Variants in METRN observed in about 807,000 individuals in gnomAD.
METRN encodes the protein meteorin.
METRN carries 17 observed loss-of-function variants against 17.4 expected under a neutral mutation model. That is an observed-to-expected ratio of 0.98 (90% CI 0.67 to 1.46). The LOEUF is 1.46. Among genes scored for constraint, METRN ranks in the 40% most tolerant of loss-of-function variants. The pLI is 0.00. For missense variants in METRN, 489 were observed against 456.2 expected, an observed-to-expected ratio of 1.07 and a Z score of -0.65; for synonymous variants, 230 against 210.8, an observed-to-expected ratio of 1.09 and a Z score of -0.79.
chr16:716,352 C>G (rs2040161863), intron 2 of METRN: 1 of 1,409,358 alleles, frequency 7.1e-7, no homozygotes, highest in Non-Finnish European at 9.2e-7. Flanking sequence ...CCTCCCCCAG[C>G]CCAACCAACA....
At chr16:717,035 C>T (rs1333201051) in intron 3 of METRN, 36 bp from the exon 4 acceptor site, 2 of 1,611,854 alleles carry the variant, frequency 1.2e-6, no homozygotes, top group Non-Finnish European at 8.5e-7. Context: ...CCTGCCTTCC[C>T]CTGAATGCCT....
chr16:715,547 G>T, intron 1 of METRN, 37 bp from the exon 2 acceptor site: 16 of 1,293,126 alleles, frequency 1.2e-5, no homozygotes, highest in Non-Finnish European at 1.6e-5. Context: ...GCGGGGACCC[G>T]CCCCCGTCTC....
Position 717,302 on chromosome 16 carries a change from G to A in METRN, c.797G>A (p.Cys266Tyr). 3 of 1,524,880 alleles carry A rather than the reference G, an allele frequency of 2.0e-6. No individual in the cohort carries two copies. Among genetic ancestry groups the A allele is most frequent in the Non-Finnish European group, 1.8e-6 (2 of 1,137,972 alleles). 94.5% of individuals were successfully genotyped at this position (1,524,880 alleles called of 1,614,324 possible). Residue 266 changes from cysteine to tyrosine, a missense_variant, in exon 4 of 4, where the codon TGT becomes TAT. Transcript: ENST00000568223. ...WSRFGEARLG[C>Y]APRFQEFRRA... ...CGCTTTGGGGAGGCCCGGCTGGGCT[G>A]TGCCCCACGATTCCAGGAGTTCCGC...
In METRN at chr16:717,538, T is replaced by A; in HGVS notation, c.*151T>A. 1 of 647,404 alleles carries A rather than the reference T, an allele frequency of 1.5e-6. No individual in the cohort carries two copies. The highest frequency in any genetic ancestry group is 2.3e-6 in the Non-Finnish European group (1 of 438,462). 40.1% of individuals were successfully genotyped at this position (647,404 alleles called of 1,614,324 possible). A position where few individuals can be genotyped will look rare whatever the true frequency, so the allele number is the denominator to read the frequency against. On this transcript the variant is annotated 3_prime_UTR_variant, in exon 4 of 4. Transcript: ENST00000568223. ...CAGCCTTGGGCCTGCCTCGCAGCTG[T>A]GAGGATGGCTCCAATTCCTGCCTCC...
At chr16:716,825 C>T in intron 2 of METRN, 108 bp from the exon 3 acceptor site, 1 of 1,499,256 alleles carries the variant, frequency 6.7e-7, no homozygotes. Flanking sequence ...AGCGTGGGCT[C>T]TGCTCATTTG....
chr16:715,532 G>C (rs2040152627), intron 1 of METRN, 52 bp from the exon 2 acceptor site: 2 of 1,286,140 alleles, frequency 1.6e-6, no homozygotes, highest in South Asian at 2.3e-5. Flanking sequence ...CGGGGGCTGC[G>C]CCGGGCGGGG....
chr16:716,666 C>T (rs902485532), intron 2 of METRN: 16 of 1,535,442 alleles, frequency 1.0e-5, no homozygotes, highest in Non-Finnish European at 1.3e-5. Flanking sequence ...GACAGCTGAT[C>T]GCTAGGCATG....
At chr16:715,513 G>A (rs2040152469) in intron 1 of METRN, 71 bp from the exon 2 acceptor site, 1 of 1,275,118 alleles carries the variant, frequency 7.8e-7, no homozygotes, top group South Asian at 2.4e-5. Flanking sequence ...AGGCGGCCTC[G>A]GGAGGGAGCG....
chr16:717,643 G>A lies in METRN; in HGVS notation c.*256G>A. ...CTGAGAGGGAGAGCAGATGTCAGGA[G>A]GAGCTACACCCACATTCCGGGGAGG... On this transcript the variant is annotated 3_prime_UTR_variant, in exon 4 of 4. Transcript: ENST00000568223. 1 of 407,784 alleles carries A rather than the reference G, an allele frequency of 2.5e-6. No homozygotes were observed. 25.3% of individuals were successfully genotyped at this position (407,784 alleles called of 1,614,324 possible).
rs201553505 is a variant in METRN, at chr16:717,179, C to A, written c.674C>A (p.Ala225Glu). 8.1e-6 allele frequency: 13 copies of A among 1,601,732 alleles called. No individual in the cohort carries two copies. Among genetic ancestry groups the A allele is most frequent in the Non-Finnish European group, 1.1e-5 (13 of 1,175,782 alleles). The change falls in exon 4 of 4, where the codon GCG (alanine) becomes GAG (glutamate). Residue 225 changes from alanine (A) to glutamate (E), a missense_variant. Ala to Glu is a moderately radical substitution (Grantham distance 107). Transcript: ENST00000568223. ...CGCCAGACACCGCCGCTGTTCCAGGCGGGGCGATCCGGGGACCAGGGGCTG... is the reference window on the plus strand; with the variant it reads ...CGCCAGACACCGCCGCTGTTCCAGGAGGGGCGATCCGGGGACCAGGGGCTG... ...VLRQTPPLFQ[A>E]GRSGDQGLTS...
chr16:717,657 A>C lies in METRN; in HGVS notation c.*270A>C. 5.7e-6 allele frequency: 2 copies of C among 349,514 alleles called. No individual in the cohort carries two copies. Among genetic ancestry groups the C allele is most frequent in the Non-Finnish European group, 1.0e-5 (2 of 195,866 alleles). 21.7% of individuals were successfully genotyped at this position (349,514 alleles called of 1,614,324 possible). A position where few individuals can be genotyped will look rare whatever the true frequency, so the allele number is the denominator to read the frequency against. On this transcript the variant is annotated 3_prime_UTR_variant, in exon 4 of 4. Coordinates refer to ENST00000568223, the MANE Select transcript of METRN (RefSeq NM_024042.4). ...AGATGTCAGGAGGAGCTACACCCAC[A>C]TTCCGGGGAGGGGCCGCTGCTGGGT...
Position 717,497 on chromosome 16 carries a change from T to C in METRN, c.*110T>C, listed in dbSNP as rs571933738. On this transcript the variant is annotated 3_prime_UTR_variant, in exon 4 of 4. Transcript: ENST00000568223. ...TTCACGCAAGCTGCTGTGGACCTGG[T>C]CTCCTGTGTCCAGCCCAGCCTTGGG... 261 of 1,086,098 alleles carry C rather than the reference T, an allele frequency of 2.4e-4. 1 individual carries two copies. In the African/African-American group the frequency reaches 3.5e-3, roughly 15 times the overall value. The allele number at this position is 1,086,098 out of a possible 1,614,324, so 67.3% of individuals were successfully genotyped here.
At chr16:716,690 C>T (rs7197682) in intron 2 of METRN, 68,035 of 1,535,390 alleles carry the variant, frequency 0.044, 6,744 homozygotes, top group African/African-American at 0.38. Flanking sequence ...CCCAGGCCCA[C>T]GTCTGTGTGC....
Position 715,939 on chromosome 16 carries a change from G to C in METRN, c.460G>C (p.Gly154Arg). ...CTTCCGCTTTGAGCTGCGCGAGGAC[G>C]GGCGCCCCGAGCTGCCCCCGCAGGC... is the stretch of plus-strand genomic sequence containing the variant. ...AAFRFELRED[G>R]RPELPPQAHG... is the part of the protein sequence containing the mutation. The change falls in exon 2 of 4, where the codon GGG becomes CGG. Residue 154 changes from glycine to arginine, a missense_variant. Coordinates refer to ENST00000568223, the MANE Select transcript of METRN (RefSeq NM_024042.4). The C allele has an allele frequency of 1.3e-6, 2 of 1,498,552 alleles. No homozygotes were observed. Among genetic ancestry groups the C allele is most frequent in the Non-Finnish European group, 1.8e-6 (2 of 1,130,466 alleles). 92.8% of individuals were successfully genotyped at this position (1,498,552 alleles called of 1,614,324 possible).
In METRN at chr16:715,228, C is replaced by A; in HGVS notation, c.-62C>A. 1 of 915,578 alleles carries A rather than the reference C, an allele frequency of 1.1e-6. No homozygotes were observed. Among genetic ancestry groups the A allele is most frequent in the Non-Finnish European group, 1.3e-6 (1 of 747,674 alleles). The allele number at this position is 915,578 out of a possible 1,614,324, so 56.7% of individuals were successfully genotyped here. A position where few individuals can be genotyped will look rare whatever the true frequency, so the allele number is the denominator to read the frequency against. On this transcript the variant is annotated 5_prime_UTR_variant, in exon 1 of 4. Transcript: ENST00000568223. ...CGGCTGCTCCCGCCGCCGCCCGGAC[C>A]CGCGCCCCGCCGGGGCAGCGGTGGT...
intron 2 of METRN, chr16:716,387 C>T: frequency 1.4e-6 from 2 of 1,427,662 alleles, no homozygotes; most frequent in Non-Finnish European, 1.8e-6. Context: ...AGCCCGGTCA[C>T]CATGGAGACG....
chr16:717,179 C>T lies in METRN; in HGVS notation c.674C>T (p.Ala225Val), dbSNP rs201553505. The change falls in exon 4 of 4, where the codon GCG (alanine) becomes GTG (valine). Residue 225 changes from alanine (A) to valine (V), a missense_variant. Coordinates refer to ENST00000568223, the MANE Select transcript of METRN (RefSeq NM_024042.4). ...CGCCAGACACCGCCGCTGTTCCAGG[C>T]GGGGCGATCCGGGGACCAGGGGCTG... Reference protein sequence around the residue: ...VLRQTPPLFQAGRSGDQGLTS... With the variant: ...VLRQTPPLFQVGRSGDQGLTS... 1.1e-3 allele frequency: 1,721 copies of T among 1,601,728 alleles called. 5 individuals are homozygous for T. Among genetic ancestry groups the T allele is most frequent in the Non-Finnish European group, 1.3e-3 (1,530 of 1,175,780 alleles).
rs532250324 is a variant in METRN at position 716,347 on chromosome 16, C to T, written c.505+363C>T. ...CCCAGCGGTGACCTCTCTCCCCTCCCCCAGCCCAACCAACAAAAGTCCAGT... is the reference window on the plus strand; with the variant it reads ...CCCAGCGGTGACCTCTCTCCCCTCCTCCAGCCCAACCAACAAAAGTCCAGT... On this transcript the variant is annotated intron_variant, in intron 2 of 3. Transcript: ENST00000568223. 9 of 1,410,234 alleles carry T rather than the reference C, an allele frequency of 6.4e-6. No individual in the cohort carries two copies. The African/African-American group carries it at 1.2e-4, about 18-fold the overall frequency. 87.4% of individuals were successfully genotyped at this position (1,410,234 alleles called of 1,614,324 possible).
At chr16:716,157 G>T in intron 2 of METRN, 173 bp downstream of exon 2, 1 of 985,322 alleles carries the variant, frequency 1.0e-6, no homozygotes, top group Non-Finnish European at 1.2e-6. Flanking sequence ...TGGCCTCCCC[G>T]CCCTCCCTTC....
Sources: allele counts gnomAD v4.1 joint callset, GRCh38; gene constraint gnomAD v4.1.1; transcripts MANE v1.5; gene names NCBI Gene and HGNC (gene_info 2026-07-23, HGNC 2026-07-21).